The following SCRN1 variants were observed in gnomAD, a reference collection of about 807,000 sequenced individuals.
The protein encoded by SCRN1 is secernin 1, also known as secernin-1.
A neutral mutation model predicts 43.3 loss-of-function variants in SCRN1; 19 were observed. That is an observed-to-expected ratio of 0.44 (90% CI 0.31 to 0.64). SCRN1 has a LOEUF of 0.64. Among genes scored for constraint, SCRN1 ranks in the 30% least tolerant of loss-of-function variants. The pLI is 0.09. For synonymous variants in SCRN1, 183 were observed against 188.9 expected, an observed-to-expected ratio of 0.97 and a Z score of 0.26; for missense variants, 447 against 524.1, an observed-to-expected ratio of 0.85 and a Z score of 1.44.
chr7:29,953,517 C>T (rs959886042), intron 3 of SCRN1, among the ~76,000 whole-genome samples: 3 of 151,798 alleles, frequency 2.0e-5, no homozygotes, highest in Admixed American at 2.0e-4. Flanking sequence ...TACTGGAGAG[C>T]TGTCAAAACA....
rs373425376 is a variant in SCRN1, at chr7:29,968,929, C to T, written c.139G>A (p.Glu47Lys). The T allele has an allele frequency of 2.0e-5, 33 of 1,613,988 alleles. No individual in the cohort carries two copies. Among genetic ancestry groups the T allele is most frequent in the South Asian group, 7.7e-5 (7 of 91,080 alleles). ...CTTACCTCAACCTTGCTCTCCGGTTCGTGATCAGCAGCCGAGAAATACACA... is the reference window on the plus strand; with the variant it reads ...CTTACCTCAACCTTGCTCTCCGGTTTGTGATCAGCAGCCGAGAAATACACA... ...EVVYFSAADHEPESKVECTYI... is the reference protein window; with the variant it reads ...EVVYFSAADHKPESKVECTYI... Residue 47 changes from glutamate to lysine, a missense_variant, in exon 2 of 8, where the codon GAA (glutamate) becomes AAA (lysine). Physicochemically the swap from Glu to Lys is moderately conservative, Grantham distance 56. Coordinates refer to ENST00000242059, the MANE Select transcript of SCRN1 (RefSeq NM_014766.5).
intron 5 of SCRN1, among the ~76,000 whole-genome samples, chr7:29,939,239 G>T (rs151122076): frequency 1.3e-5 from 2 of 151,904 alleles, no homozygotes; most frequent in African/African-American, 4.8e-5. Flanking sequence ...AAAGAGACAG[G>T]GTCTCACTCT....
At chr7:29,952,843 A>C (rs187470684) in intron 3 of SCRN1, among the ~76,000 whole-genome samples, 2 of 152,230 alleles carry the variant, frequency 1.3e-5, no homozygotes, top group African/African-American at 4.8e-5. Context: ...CTTAAGGTGC[A>C]GATGCCTGTG....
At chr7:29,960,007 A>AAGAG (rs1788255963) in intron 2 of SCRN1, among the ~76,000 whole-genome samples, 1 of 88,942 alleles carries the variant, frequency 1.1e-5, no homozygotes, top group Non-Finnish European at 2.1e-5. Context: ...GGAAGGAAGG[A>AAGAG]AGGGAGGGAG....
intron 1 of SCRN1, among the ~76,000 whole-genome samples, chr7:29,969,459 C>T (rs950973357): frequency 2.6e-5 from 4 of 152,206 alleles, no homozygotes; most frequent in Non-Finnish European, 5.9e-5. Flanking sequence ...AAACTAACTA[C>T]ACAAATGCCT....
Position 29,940,527 on chromosome 7 carries a change from T to G in SCRN1, c.739+155A>C, listed in dbSNP as rs79073785. Among the ~76,000 whole-genome samples the G allele has an allele frequency of 1.2e-3, 190 of 152,346 alleles. 3 individuals carry two copies. In the East Asian group the frequency reaches 0.03, roughly 24 times the overall value. On this transcript the variant is annotated intron_variant, in intron 5 of 7. Transcript: ENST00000242059. Reference sequence around the variant, plus strand: ...AATAAATACAAGTTGTTTTCTTGCCTGCACATCAGGGACTTTTAGCAGAAG... The same window carrying G: ...AATAAATACAAGTTGTTTTCTTGCCGGCACATCAGGGACTTTTAGCAGAAG...
intron 6 of SCRN1, among the ~76,000 whole-genome samples, chr7:29,933,789 T>C (rs1421611895): frequency 1.3e-5 from 2 of 152,130 alleles, no homozygotes; most frequent in Non-Finnish European, 2.9e-5. Context: ...AGATCTATAA[T>C]TAATACAGTG....
Position 29,921,072 on chromosome 7 carries a change from C to G in SCRN1, c.*2885G>C, listed in dbSNP as rs150533539. 49 of 152,726 alleles carry G rather than the reference C, an allele frequency of 3.2e-4. No individual in the cohort carries two copies. The highest frequency in any genetic ancestry group is 1.0e-3 in the African/African-American group (42 of 41,554). 9.5% of individuals were successfully genotyped at this position (152,726 alleles called of 1,614,324 possible). Reference sequence around the variant, plus strand: ...AGGGCTATCTTCACCTATAGTAAATCCCATCTATTAGACAAGACTAGCTAG... The same window carrying G: ...AGGGCTATCTTCACCTATAGTAAATGCCATCTATTAGACAAGACTAGCTAG... On this transcript the variant is annotated 3_prime_UTR_variant, in exon 8 of 8. Coordinates refer to ENST00000242059, the MANE Select transcript of SCRN1 (RefSeq NM_014766.5).
rs864622024 is a variant in SCRN1, at chr7:29,955,342, C to A, written c.178G>T (p.Asp60Tyr). Residue 60 changes from aspartate to tyrosine, a missense_variant, in exon 3 of 8, where the codon GAC (aspartate) becomes TAC (tyrosine). By Grantham distance (160) the Asp-to-Tyr change is radical (BLOSUM62 -3). Coordinates refer to ENST00000242059, the MANE Select transcript of SCRN1 (RefSeq NM_014766.5). ...SKVECTYISI[D>Y]QVPRTYAIMI... ...ATGGCATAGGTCCTTGGAACTTGGT[C>A]GATTGAAATGTAAGTGCACTGAAAA... 1.2e-6 allele frequency: 2 copies of A among 1,613,460 alleles called. No individual in the cohort carries two copies. Among genetic ancestry groups the A allele is most frequent in the African/African-American group, 2.7e-5 (2 of 74,994 alleles).
intron 1 of SCRN1, 157 bp from the exon 2 acceptor site, chr7:29,969,225 C>T (rs769551934): frequency 6.5e-5 from 52 of 794,528 alleles, no homozygotes; most frequent in Non-Finnish European, 9.6e-5. Flanking sequence ...GAAGGTGGGA[C>T]GCCTGCAGTG....
intron 2 of SCRN1, among the ~76,000 whole-genome samples, chr7:29,968,193 C>T (rs1450426802): frequency 6.6e-6 from 1 of 152,106 alleles, no homozygotes; most frequent in Non-Finnish European, 1.5e-5. Context: ...CACTTCAGTG[C>T]TGTTTGTAAT....
chr7:29,962,119 T>C (rs1788342308), intron 2 of SCRN1, among the ~76,000 whole-genome samples: 1 of 150,608 alleles, frequency 6.6e-6, no homozygotes, highest in South Asian at 2.1e-4. Flanking sequence ...TCTGAGAATA[T>C]AACCACCTAG....
chr7:29,976,258 G>C (rs1263625522), intron 1 of SCRN1, among the ~76,000 whole-genome samples: 1 of 152,166 alleles, frequency 6.6e-6, no homozygotes, highest in Non-Finnish European at 1.5e-5. Context: ...TCTGGTACTT[G>C]AAATGTGGCT....
At chr7:29,969,601 C>A (rs114305503) in intron 1 of SCRN1, among the ~76,000 whole-genome samples, 1,591 of 152,282 alleles carry the variant, frequency 0.01, 25 homozygotes, top group African/African-American at 0.037. Context: ...ACATAACACT[C>A]AAACACCTTT....
intron 2 of SCRN1, among the ~76,000 whole-genome samples, chr7:29,957,068 C>A (rs1052648092): frequency 3.9e-5 from 6 of 152,162 alleles, no homozygotes; most frequent in African/African-American, 1.4e-4. Flanking sequence ...AGAATCTCAG[C>A]TTCTTAAGCA....
chr7:29,989,806 C>T, upstream of SCRN1: 1 of 989,634 alleles, frequency 1.0e-6, no homozygotes, highest in Non-Finnish European at 1.2e-6. Flanking sequence ...AGACTCCCGG[C>T]GCTGGGGCCC....
At position 29,921,115 on chromosome 7, in the gene SCRN1, G is replaced by A. The variant is rs570362990; in HGVS notation, c.*2842C>T. Reference sequence around the variant, plus strand: ...CTAGCTAGCTTATGTTTGGTTATGGGGCAAGGGAGTGGGGGAGAGATTCTG... The same window carrying A: ...CTAGCTAGCTTATGTTTGGTTATGGAGCAAGGGAGTGGGGGAGAGATTCTG... On this transcript the variant is annotated 3_prime_UTR_variant, in exon 8 of 8. Coordinates refer to ENST00000242059, the MANE Select transcript of SCRN1 (RefSeq NM_014766.5). The A allele has an allele frequency of 6.5e-6, 1 of 152,728 alleles. No homozygotes were observed. Among genetic ancestry groups the A allele is most frequent in the Middle Eastern group, 3.4e-3 (1 of 294 alleles). 9.5% of individuals were successfully genotyped at this position (152,728 alleles called of 1,614,324 possible). A position where few individuals can be genotyped will look rare whatever the true frequency, so the allele number is the denominator to read the frequency against.
At chr7:29,966,121 CAG>C (rs529436508) in intron 2 of SCRN1, among the ~76,000 whole-genome samples, 10 of 126,814 alleles carry the variant, frequency 7.9e-5, no homozygotes, top group Non-Finnish European at 1.0e-4. Flanking sequence ...CAGAGACACA[CAG>C]AGAGAGAGAG....
upstream of SCRN1, chr7:29,990,175 C>T (rs759125562): frequency 3.2e-6 from 5 of 1,551,572 alleles, no homozygotes; most frequent in Non-Finnish European, 4.4e-6. Flanking sequence ...AGAAATGTGT[C>T]CTGTACCTTG....
Sources: allele counts gnomAD v4.1 joint callset (sites outside exome capture counted in the v4.1 genomes callset), GRCh38; gene constraint gnomAD v4.1.1; transcripts MANE v1.5; gene names NCBI Gene and HGNC (gene_info 2026-07-23, HGNC 2026-07-21).